The following IQANK1 variants were observed in gnomAD, a reference collection of about 807,000 sequenced individuals.
IQANK1 encodes IQ motif and ankyrin repeat containing 1.
Under a neutral mutation model 22.6 loss-of-function variants are expected in IQANK1, and 30 were observed. That is an observed-to-expected ratio of 1.33 (90% confidence interval 0.99 to 1.80). The LOEUF (loss-of-function observed/expected upper bound fraction) is 1.80. Ranked by LOEUF, IQANK1 falls within the 40% of genes most tolerant of loss-of-function variation. IQANK1 has a pLI of 0.00. For missense variants in IQANK1, 275 were observed against 235.2 expected (o/e 1.17, Z -1.11); for synonymous variants, 122 against 99.6 (o/e 1.23, Z -1.34).
rs1012800876 is a variant in IQANK1 at position 143,790,481 on chromosome 8, C to T, written c.1556C>T (p.Thr519Met). ...ACGGACGGGCCTGAGTATAGCCCCA[C>T]GCAGTTCCAGGAGCAGCGGCTGGAG... ...RPTDGPEYSP[T>M]QFQEQRLEHF... Residue 519 changes from threonine to methionine, a missense_variant, in exon 14 of 14, where the codon ACG becomes ATG. Physicochemically the swap from Thr to Met is moderately conservative, Grantham distance 81. Coordinates refer to ENST00000527139, the MANE Select transcript of IQANK1 (RefSeq NM_001381874.1). 2.1e-5 allele frequency: 9 copies of T among 420,208 alleles called. No homozygotes were observed. The highest frequency in any genetic ancestry group is 3.3e-5 in the Non-Finnish European group (8 of 245,698). 26.0% of individuals were successfully genotyped at this position (420,208 alleles called of 1,614,324 possible). A position where few individuals can be genotyped will look rare whatever the true frequency, so the allele number is the denominator to read the frequency against.
intron 3 of IQANK1, among the ~76,000 whole-genome samples, chr8:143,765,584 T>TA (rs1208599832): frequency 3.9e-5 from 6 of 152,224 alleles, no homozygotes; most frequent in African/African-American, 1.4e-4. Context: ...ATGGATTACT[T>TA]ACCTGTTTCT....
At chr8:143,789,149 CT>C in intron 8 of IQANK1, 39 bp from the exon 9 acceptor site, 1 of 400,994 alleles carries the variant, frequency 2.5e-6, no homozygotes, top group Non-Finnish European at 4.4e-6. Context: ...GGTGGGGGCG[CT>C]GGCGGAAGCC....
intron 3 of IQANK1, chr8:143,742,248 AC>A (rs1469315941): frequency 1.0e-5 from 4 of 399,744 alleles, no homozygotes; most frequent in Non-Finnish European, 2.0e-5. Context: ...AGTCAGTGAT[AC>A]ACAGCGCTCA....
chr8:143,752,713 C>G (rs1554628171), intron 3 of IQANK1, among the ~76,000 whole-genome samples: 2 of 152,136 alleles, frequency 1.3e-5, no homozygotes, highest in African/African-American at 4.8e-5. Context: ...GTATTAAATA[C>G]AGTAACATGC....
rs190583108 is a variant in IQANK1, at chr8:143,767,245, G to C, written c.176-4243G>C. On this transcript the variant is annotated intron_variant, in intron 3 of 13. Transcript: ENST00000527139. ...TTGAACCTATAGCTCAATGTGCGGA[G>C]AGTATCACCTCTACAGCAGTGTCCA... Among the ~76,000 whole-genome samples the C allele has an allele frequency of 1.1e-3, 167 of 152,336 alleles. 1 individual carries two copies. The highest frequency in any genetic ancestry group is 3.6e-3 in the African/African-American group (151 of 41,572).
chr8:143,749,092 A>G (rs1819123059), intron 3 of IQANK1, among the ~76,000 whole-genome samples: 1 of 122,780 alleles, frequency 8.1e-6, no homozygotes, highest in Non-Finnish European at 1.6e-5. Context: ...ATGTATATAA[A>G]TATATAGCAT....
At position 143,772,447 on chromosome 8, in the gene IQANK1, C is replaced by T. The variant is rs543680722; in HGVS notation, c.754C>T (p.Arg252Trp). The T allele has an allele frequency of 1.5e-5, 6 of 399,120 alleles. No homozygotes were observed. In the South Asian group the frequency reaches 5.1e-4, roughly 34 times the overall value. The allele number at this position is 399,120 out of a possible 1,614,324, so 24.7% of individuals were successfully genotyped here. A position where few individuals can be genotyped will look rare whatever the true frequency, so the allele number is the denominator to read the frequency against. ...EVLLKLGADPRVYAEDGSTPE... is the reference protein window; with the variant it reads ...EVLLKLGADPWVYAEDGSTPE... ...GCTCCTGAAGCTCGGAGCAGACCCC[C>T]GGGTGTACGCAGAGGACGGGAGCAC... The change falls in exon 7 of 14, where the codon CGG (arginine) becomes TGG (tryptophan). Residue 252 changes from arginine to tryptophan, a missense_variant. Transcript: ENST00000527139.
intron 7 of IQANK1, among the ~76,000 whole-genome samples, chr8:143,787,514 C>T (rs1381329648): frequency 6.6e-6 from 1 of 152,184 alleles, no homozygotes; most frequent in Non-Finnish European, 1.5e-5. Context: ...GGCCACGCCG[C>T]GCCACTGCTT....
intron 7 of IQANK1, among the ~76,000 whole-genome samples, chr8:143,781,837 A>G (rs532665354): frequency 6.6e-6 from 1 of 152,250 alleles, no homozygotes; most frequent in South Asian, 2.1e-4. Context: ...AGTATTTTCT[A>G]GTTCTGTGAA....
chr8:143,764,156 C>T lies in IQANK1; in HGVS notation c.176-7332C>T, dbSNP rs533038576. On this transcript the variant is annotated intron_variant, in intron 3 of 13. Transcript: ENST00000527139. ...TGGAGGGCCCGCCGGAAGGACTCGG[C>T]GGCAGAGGATTCCACCTGCACAGGA... Among the ~76,000 whole-genome samples the T allele has an allele frequency of 6.4e-4, 97 of 152,118 alleles. 1 individual carries two copies. The highest frequency in any genetic ancestry group is 5.8e-3 in the Admixed American group (89 of 15,252).
intron 7 of IQANK1, among the ~76,000 whole-genome samples, chr8:143,778,602 T>G (rs1197656255): frequency 6.6e-6 from 1 of 152,222 alleles, no homozygotes; most frequent in Non-Finnish European, 1.5e-5. Flanking sequence ...ATGAGACAAG[T>G]AGACGGAATA....
intron 3 of IQANK1, chr8:143,742,423 C>T (rs782786610): frequency 6.6e-6 from 3 of 456,048 alleles, no homozygotes; most frequent in South Asian, 4.6e-5. Flanking sequence ...CATTGGTGCC[C>T]TCCCCAGGAG....
chr8:143,742,118 G>C, intron 3 of IQANK1: 1 of 342,916 alleles, frequency 2.9e-6, no homozygotes. Context: ...CTTTGAGCTC[G>C]GTGTTCCCTG....
chr8:143,747,692 A>C (rs1176210556), intron 3 of IQANK1, among the ~76,000 whole-genome samples: 1 of 151,634 alleles, frequency 6.6e-6, no homozygotes, highest in Admixed American at 6.6e-5. Context: ...TGAATTTTCC[A>C]CTTTTACTTC....
chr8:143,761,926 A>G (rs1444711036), intron 3 of IQANK1, among the ~76,000 whole-genome samples: 4 of 152,138 alleles, frequency 2.6e-5, no homozygotes, highest in African/African-American at 9.7e-5. Flanking sequence ...GGACATATAT[A>G]AAGGAGAGTG....
chr8:143,783,709 C>T (rs1819837197), intron 7 of IQANK1, among the ~76,000 whole-genome samples: 1 of 152,176 alleles, frequency 6.6e-6, no homozygotes, highest in Non-Finnish European at 1.5e-5. Context: ...CATTTAGAGC[C>T]ATCATCCACT....
intron 7 of IQANK1, among the ~76,000 whole-genome samples, chr8:143,787,919 C>T (rs377376039): frequency 1.3e-5 from 2 of 152,142 alleles, no homozygotes; most frequent in East Asian, 1.9e-4. Flanking sequence ...CACACCTTCT[C>T]GGTCTGCTCT....
At position 143,790,345 on chromosome 8, in the gene IQANK1, G is replaced by A. The variant is rs894384468; in HGVS notation, c.1425-5G>A. 9 of 1,198,156 alleles carry A rather than the reference G, an allele frequency of 7.5e-6. No individual in the cohort carries two copies. The highest frequency in any genetic ancestry group is 1.0e-6 in the Non-Finnish European group (1 of 957,336). 74.2% of individuals were successfully genotyped at this position (1,198,156 alleles called of 1,614,324 possible). A position where few individuals can be genotyped will look rare whatever the true frequency, so the allele number is the denominator to read the frequency against. On this transcript the variant is annotated splice_polypyrimidine_tract_variant and splice_region_variant and intron_variant, in intron 13 of 13. Coordinates refer to ENST00000527139, the MANE Select transcript of IQANK1 (RefSeq NM_001381874.1). ...CACCCTGGCCTCACCAGCCTCATGG[G>A]GCAGGTATGGGAAGCCGCTGGTGTT...
intron 7 of IQANK1, among the ~76,000 whole-genome samples, chr8:143,773,901 C>A (rs973234998): frequency 6.6e-6 from 1 of 152,014 alleles, no homozygotes; most frequent in Non-Finnish European, 1.5e-5. Flanking sequence ...GGCATGGTGG[C>A]CCGGAGAGCT....
Sources: gnomAD v4.1 joint callset for allele counts (sites outside exome capture counted in the v4.1 genomes callset) on GRCh38, gnomAD v4.1.1 for gene constraint, MANE v1.5 for transcripts, NCBI Gene and HGNC (gene_info 2026-07-23, HGNC 2026-07-21) for gene names.